Variants in DNAJB14 observed in about 807,000 individuals in gnomAD.
The protein encoded by DNAJB14 is DnaJ heat shock protein family (Hsp40) member B14.
A neutral mutation model predicts 48.4 loss-of-function variants in DNAJB14; 22 were observed. The ratio of observed to expected loss-of-function variants is 0.45; its 90% confidence interval spans 0.32 to 0.65. The LOEUF (loss-of-function observed/expected upper bound fraction) is 0.65, where lower values mean the gene tolerates loss of function less well. DNAJB14 is among the 30% of genes least tolerant of loss of function. The pLI is 0.03. For missense variants in DNAJB14, 319 were observed against 458.8 expected (o/e 0.70, Z 2.78); for synonymous variants, 142 against 158.7 (o/e 0.89, Z 0.79).
chr4:99,938,917 G>A (rs1726789022), intron 1 of DNAJB14, among the ~76,000 whole-genome samples: 1 of 151,994 alleles, frequency 6.6e-6, no homozygotes, highest in African/African-American at 2.4e-5. Flanking sequence ...CATTTATCAT[G>A]ATTTTCCTAT....
At chr4:99,915,347 C>A (rs1210840322) in intron 3 of DNAJB14, among the ~76,000 whole-genome samples, 1 of 152,164 alleles carries the variant, frequency 6.6e-6, no homozygotes, top group Non-Finnish European at 1.5e-5. Flanking sequence ...TCGTGTTAGC[C>A]AAGATGGTCT....
chr4:99,920,198 C>T (rs992937970), intron 3 of DNAJB14, among the ~76,000 whole-genome samples: 5 of 152,118 alleles, frequency 3.3e-5, no homozygotes, highest in East Asian at 1.9e-4. Flanking sequence ...ATTACTATAT[C>T]GCAAAAGTTC....
intron 3 of DNAJB14, among the ~76,000 whole-genome samples, chr4:99,918,550 CT>C (rs1376914846): frequency 6.6e-6 from 1 of 152,198 alleles, no homozygotes; most frequent in African/African-American, 2.4e-5. Context: ...TCTGACTCCA[CT>C]TTGGCAGAGA....
intron 3 of DNAJB14, among the ~76,000 whole-genome samples, chr4:99,911,718 G>T (rs1725666756): frequency 6.6e-6 from 1 of 151,578 alleles, no homozygotes; most frequent in Non-Finnish European, 1.5e-5. Context: ...TCATTTTTTT[G>T]CCCATTCTAA....
At chr4:99,924,055 C>G (rs750520451) in intron 2 of DNAJB14, among the ~76,000 whole-genome samples, 1 of 152,118 alleles carries the variant, frequency 6.6e-6, no homozygotes, top group Non-Finnish European at 1.5e-5. Flanking sequence ...AATAAATACT[C>G]TGAATGGAAC....
At chr4:99,919,923 C>A (rs1000579544) in intron 3 of DNAJB14, among the ~76,000 whole-genome samples, 5 of 152,140 alleles carry the variant, frequency 3.3e-5, no homozygotes, top group African/African-American at 1.2e-4. Flanking sequence ...TTAATTTTAA[C>A]CTTAATTCTA....
At chr4:99,918,968 C>T (rs1725953833) in intron 3 of DNAJB14, among the ~76,000 whole-genome samples, 1 of 152,156 alleles carries the variant, frequency 6.6e-6, no homozygotes, top group South Asian at 2.1e-4. Context: ...ATCTAGTTAA[C>T]CTTCTCTGTT....
Position 99,898,001 on chromosome 4 carries a change from T to C in DNAJB14, c.*3027A>G, listed in dbSNP as rs1187884959. On this transcript the variant is annotated 3_prime_UTR_variant, in exon 8 of 8. Coordinates refer to ENST00000442697, the MANE Select transcript of DNAJB14 (RefSeq NM_001031723.4). Reference sequence around the variant, plus strand: ...TTTTAATGAAATACATAGGAATCCATTAAGTAACATTAGCATGTCATGTGT... The same window carrying C: ...TTTTAATGAAATACATAGGAATCCACTAAGTAACATTAGCATGTCATGTGT... 6.6e-6 allele frequency: 1 copy of C among 151,976 alleles called. No homozygotes were observed. Among genetic ancestry groups the C allele is most frequent in the African/African-American group, 2.4e-5 (1 of 41,416 alleles). 9.4% of individuals were successfully genotyped at this position (151,976 alleles called of 1,614,324 possible).
At chr4:99,928,788 T>C (rs1283712405) in intron 2 of DNAJB14, 1 of 156,830 alleles carries the variant, frequency 6.4e-6, no homozygotes, top group African/African-American at 2.4e-5. Context: ...TTTGAATCCT[T>C]CATTGAGAAT....
chr4:99,923,298 A>C, intron 2 of DNAJB14, 113 bp from the exon 3 acceptor site: 7 of 995,312 alleles, frequency 7.0e-6, no homozygotes, highest in Non-Finnish European at 9.9e-6. Context: ...ACTCTTTCTC[A>C]AAATCTAATG....
rs941388104 is a variant in DNAJB14 at position 99,898,528 on chromosome 4, T to G, written c.*2500A>C. On this transcript the variant is annotated 3_prime_UTR_variant, in exon 8 of 8. Coordinates refer to ENST00000442697, the MANE Select transcript of DNAJB14 (RefSeq NM_001031723.4). ...AAGAAGAGGAGAAAGGTACTATTTTTCATTTCCCCCAAACCCTCACAAGGA... is the reference window on the plus strand; with the variant it reads ...AAGAAGAGGAGAAAGGTACTATTTTGCATTTCCCCCAAACCCTCACAAGGA... 2 of 151,976 alleles carry G rather than the reference T, an allele frequency of 1.3e-5. No homozygotes were observed. The highest frequency in any genetic ancestry group is 4.8e-5 in the African/African-American group (2 of 41,436). 9.4% of individuals were successfully genotyped at this position (151,976 alleles called of 1,614,324 possible).
chr4:99,903,806 A>G lies in DNAJB14; in HGVS notation c.935T>C (p.Leu312Ser). Reference protein sequence around the residue: ...KDFKNEYKGMLLQKVEKSVEE... With the variant: ...KDFKNEYKGMSLQKVEKSVEE... ...CACACTCTTTTCTACCTTTTGTAATAACATTCCTTTATATTCATTTTTGAA... is the reference window on the plus strand; with the variant it reads ...CACACTCTTTTCTACCTTTTGTAATGACATTCCTTTATATTCATTTTTGAA... Residue 312 changes from leucine (L) to serine (S), a missense_variant, in exon 7 of 8, where the codon TTA becomes TCA. Physicochemically the swap from Leu to Ser is moderately radical, Grantham distance 145. This residue lies in a region of DNAJB14 where 166 missense variants were observed against 236.3 expected (regional missense o/e 0.70). Transcript: ENST00000442697. 6.2e-7 allele frequency: 1 copy of G among 1,612,970 alleles called. No individual in the cohort carries two copies. Among genetic ancestry groups the G allele is most frequent in the Non-Finnish European group, 8.5e-7 (1 of 1,179,430 alleles).
intron 2 of DNAJB14, chr4:99,927,079 G>A (rs1259622681): frequency 1.3e-5 from 2 of 152,112 alleles, no homozygotes; most frequent in African/African-American, 4.8e-5. Context: ...TTCTAAAAGA[G>A]TAAAACCTTC....
chr4:99,935,497 T>C (rs543640791), intron 1 of DNAJB14, among the ~76,000 whole-genome samples: 8 of 152,306 alleles, frequency 5.3e-5, no homozygotes, highest in African/African-American at 1.9e-4. Flanking sequence ...TAATTACATA[T>C]ATGCTGACAT....
intron 3 of DNAJB14, among the ~76,000 whole-genome samples, chr4:99,919,228 T>C (rs1021131377): frequency 6.6e-6 from 1 of 152,126 alleles, no homozygotes; most frequent in Admixed American, 6.5e-5. Context: ...TTTCTGTCTA[T>C]ATGTATTGGT....
At chr4:99,943,566 A>C (rs576833129) in intron 1 of DNAJB14, among the ~76,000 whole-genome samples, 1 of 152,318 alleles carries the variant, frequency 6.6e-6, no homozygotes, top group Admixed American at 6.5e-5. Flanking sequence ...GTATTAACCC[A>C]TTTAATCCTC....
chr4:99,929,619 T>A (rs1009254999), intron 2 of DNAJB14: 6 of 151,878 alleles, frequency 4.0e-5, no homozygotes, highest in Admixed American at 1.3e-4. Context: ...GGTAAAAAGG[T>A]GAAAAAAGAA....
At chr4:99,934,630 C>A (rs1726599301) in intron 1 of DNAJB14, among the ~76,000 whole-genome samples, 1 of 150,004 alleles carries the variant, frequency 6.7e-6, no homozygotes, top group African/African-American at 2.5e-5. Flanking sequence ...CCTGTCTCTA[C>A]AAAAATACAA....
At chr4:99,933,411 C>G (rs1302916623) in intron 1 of DNAJB14, among the ~76,000 whole-genome samples, 2 of 149,192 alleles carry the variant, frequency 1.3e-5, no homozygotes, top group African/African-American at 5.0e-5. Context: ...TCTGTCTCAG[C>G]CTCCTGAGTA....
Sources: allele counts gnomAD v4.1 joint callset (sites outside exome capture counted in the v4.1 genomes callset), GRCh38; gene constraint gnomAD v4.1.1; regional missense constraint gnomAD v4.1.1; transcripts MANE v1.5; gene names NCBI Gene and HGNC (gene_info 2026-07-23, HGNC 2026-07-21).